Variants in CCDC150 observed in about 807,000 individuals in gnomAD.
The protein encoded by CCDC150 is coiled-coil domain-containing protein 150.
In CCDC150, 151 loss-of-function variants were observed where a neutral mutation model predicts 156.5. The ratio of observed to expected loss-of-function variants is 0.97; its 90% confidence interval spans 0.85 to 1.10. CCDC150 has a LOEUF of 1.10. CCDC150 is among the 50% of genes least tolerant of loss of function. The probability of loss-of-function intolerance (pLI) is 0.00; values close to 1 mark genes in which losing one functional copy is unlikely to be tolerated. For missense variants in CCDC150, 1,312 were observed against 1,268.1 expected, an observed-to-expected ratio of 1.03 and a Z score of -0.53; for synonymous variants, 452 against 429.4, an observed-to-expected ratio of 1.05 and a Z score of -0.65.
chr2:196,646,051 C>A (rs1297900775), intron 1 of CCDC150, among the ~76,000 whole-genome samples: 1 of 152,174 alleles, frequency 6.6e-6, no homozygotes, highest in Non-Finnish European at 1.5e-5. Context: ...CACTGTATAT[C>A]ATGAATGGGT....
chr2:196,676,676 C>T lies in CCDC150; in HGVS notation c.1385C>T (p.Ala462Val). The stretch of plus-strand genomic sequence containing the variant: ...GCAAGATTGCGAGGTGAATTGGAAG[C>T]ATCAATGCAAGAGAAGAAGTCTCTG... ...TIARLRGELE[A>V]SMQEKKSLLE... The change falls in exon 12 of 28, where the codon GCA (alanine) becomes GTA (valine). Residue 462 changes from alanine (A) to valine (V), a missense_variant. By Grantham distance (64) the Ala-to-Val change is moderately conservative. Transcript: ENST00000389175. 6.2e-7 allele frequency: 1 copy of T among 1,613,732 alleles called. No homozygotes were observed. Among genetic ancestry groups the T allele is most frequent in the African/African-American group, 1.3e-5 (1 of 75,046 alleles).
At chr2:196,687,001 G>A (rs1411691051) in intron 13 of CCDC150, among the ~76,000 whole-genome samples, 1 of 152,162 alleles carries the variant, frequency 6.6e-6, no homozygotes, top group Non-Finnish European at 1.5e-5. Context: ...GCTTTATCCA[G>A]TCTATCATTG....
chr2:196,647,011 A>G lies in CCDC150; in HGVS notation c.176+507A>G, dbSNP rs1692584890. Among the ~76,000 whole-genome samples, 3 of 152,100 alleles carry G rather than the reference A, an allele frequency of 2.0e-5. No individual in the cohort carries two copies. In the South Asian group the frequency reaches 6.2e-4, roughly 32 times the overall value. ...TTCTAAAGAAGTTATTAAAAGTTGG[A>G]TTATCAATGGCCTGCAGAATCTGTG... On this transcript the variant is annotated intron_variant, in intron 2 of 27. Transcript: ENST00000389175.
At chr2:196,731,999 T>C (rs1375890171) in intron 26 of CCDC150, 34 bp from the exon 27 acceptor site, 1 of 1,594,786 alleles carries the variant, frequency 6.3e-7, no homozygotes, top group South Asian at 1.1e-5. Flanking sequence ...AACTCTTTCT[T>C]TGTGTCTTTT....
Position 196,713,258 on chromosome 2 carries a change from C to T in CCDC150, c.1866+519C>T, listed in dbSNP as rs535156470. On this transcript the variant is annotated intron_variant, in intron 17 of 27. Transcript: ENST00000389175. ...TTTCAATATATTTTCCATTACGGCTCCTTCTAGAACACTGTGTTGTTTCTC... is the reference window on the plus strand; with the variant it reads ...TTTCAATATATTTTCCATTACGGCTTCTTCTAGAACACTGTGTTGTTTCTC... The T allele has an allele frequency of 8.4e-4, 1,120 of 1,336,086 alleles. 2 individuals carry two copies. Among genetic ancestry groups the T allele is most frequent in the Non-Finnish European group, 9.8e-4 (1,009 of 1,031,534 alleles). The allele number at this position is 1,336,086 out of a possible 1,614,324, so 82.8% of individuals were successfully genotyped here.
chr2:196,719,352 A>G (rs879352122), intron 18 of CCDC150, 145 bp from the exon 19 acceptor site: 1 of 590,984 alleles, frequency 1.7e-6, no homozygotes, highest in Non-Finnish European at 2.7e-6. Flanking sequence ...ACCTAAAAAT[A>G]AAATATACTT....
intron 20 of CCDC150, among the ~76,000 whole-genome samples, 154 bp from the exon 21 acceptor site, chr2:196,721,368 A>ATATATATATATATATATATATATATT (rs1697896992): frequency 4.3e-5 from 1 of 23,196 alleles, no homozygotes; most frequent in East Asian, 5.6e-3. Context: ...ATATATATAT[A>ATATATATATATATATATATATATATT]TTTTCCAGGC....
At chr2:196,729,067 A>G in intron 22 of CCDC150, 126 bp from the exon 23 acceptor site, 1 of 827,832 alleles carries the variant, frequency 1.2e-6, no homozygotes, top group Non-Finnish European at 1.9e-6. Flanking sequence ...ATCAGACATT[A>G]TTATTGCCTC....
chr2:196,704,555 A>AT (rs1196325043), intron 15 of CCDC150, among the ~76,000 whole-genome samples: 1 of 151,958 alleles, frequency 6.6e-6, no homozygotes, highest in Non-Finnish European at 1.5e-5. Flanking sequence ...TAAAATCAGT[A>AT]TTTTTTTAAT....
chr2:196,646,802 A>G (rs1237005463), intron 2 of CCDC150, among the ~76,000 whole-genome samples: 1 of 127,920 alleles, frequency 7.8e-6, no homozygotes, highest in Non-Finnish European at 1.7e-5. Context: ...ATAAAAAAAG[A>G]TTTGTTCTCA....
intron 13 of CCDC150, among the ~76,000 whole-genome samples, chr2:196,691,135 T>A (rs1473368875): frequency 6.6e-6 from 1 of 152,246 alleles, no homozygotes; most frequent in African/African-American, 2.4e-5. Flanking sequence ...TTTGCATCAA[T>A]GTTCATCAAG....
chr2:196,693,659 G>C (rs1029678072), intron 13 of CCDC150, among the ~76,000 whole-genome samples: 6 of 152,090 alleles, frequency 3.9e-5, no homozygotes, highest in Non-Finnish European at 7.4e-5. Flanking sequence ...TATCGCACCA[G>C]CTATGGCCTC....
intron 17 of CCDC150, among the ~76,000 whole-genome samples, chr2:196,717,851 A>G (rs1697628273): frequency 1.3e-5 from 2 of 150,906 alleles, no homozygotes; most frequent in African/African-American, 4.9e-5. Context: ...AGATCATGCC[A>G]TTGCACTCCA....
intron 25 of CCDC150, 53 bp from the exon 26 acceptor site, chr2:196,730,806 G>A (rs960976604): frequency 2.2e-6 from 3 of 1,335,244 alleles, no homozygotes; most frequent in South Asian, 2.6e-5. Flanking sequence ...TGAAGCATTT[G>A]GTTTCTTATG....
At chr2:196,704,372 A>G (rs1696445395) in intron 15 of CCDC150, among the ~76,000 whole-genome samples, 1 of 152,178 alleles carries the variant, frequency 6.6e-6, no homozygotes, top group African/African-American at 2.4e-5. Context: ...GCTTGCAAAT[A>G]ATAACAATGA....
intron 14 of CCDC150, among the ~76,000 whole-genome samples, chr2:196,695,625 C>G (rs1332119668): frequency 6.6e-6 from 1 of 151,940 alleles, no homozygotes; most frequent in Admixed American, 6.6e-5. Context: ...AGGTGGATCA[C>G]GAGGAAAGGA....
At chr2:196,732,328 T>C in intron 27 of CCDC150, 118 bp from the exon 28 acceptor site, 2 of 1,133,064 alleles carry the variant, frequency 1.8e-6, no homozygotes, top group Non-Finnish European at 2.6e-6. Context: ...TGTCACAAAC[T>C]TTTTAGATTA....
intron 15 of CCDC150, among the ~76,000 whole-genome samples, chr2:196,706,377 T>C (rs1357022085): frequency 1.3e-5 from 2 of 152,242 alleles, no homozygotes; most frequent in East Asian, 1.9e-4. Flanking sequence ...CCTGAGACTT[T>C]TCTGAAGTAG....
intron 13 of CCDC150, among the ~76,000 whole-genome samples, chr2:196,680,491 G>A (rs139873741): frequency 5.3e-5 from 8 of 152,032 alleles, no homozygotes; most frequent in East Asian, 3.9e-4. Context: ...TTGTAGAGAC[G>A]GAGTTTTGTT....
Sources: allele counts gnomAD v4.1 joint callset (sites outside exome capture counted in the v4.1 genomes callset), GRCh38; gene constraint gnomAD v4.1.1; transcripts MANE v1.5; gene names NCBI Gene and HGNC (gene_info 2026-07-23, HGNC 2026-07-21).